The following CD33 variants were observed in gnomAD, a reference collection of about 807,000 sequenced individuals.
CD33 encodes the protein CD33 molecule.
In CD33, 25 loss-of-function variants were observed where a neutral mutation model predicts 31.4. That is an observed-to-expected ratio of 0.80 (90% confidence interval 0.58 to 1.11). The LOEUF is 1.11. Ranked by LOEUF, CD33 falls within the 50% of genes most tolerant of loss-of-function variation. CD33 has a pLI of 0.00. For synonymous variants in CD33, 176 were observed against 180.6 expected, an observed-to-expected ratio of 0.97 and a Z score of 0.20; for missense variants, 407 against 448.1, an observed-to-expected ratio of 0.91 and a Z score of 0.83.
Position 51,231,277 on chromosome 19 carries a change from C to T in CD33, c.746-3880C>T, listed in dbSNP as rs182345277. On this transcript the variant is annotated intron_variant, in intron 4 of 6. Coordinates refer to ENST00000262262, the MANE Select transcript of CD33 (RefSeq NM_001772.4). ...ATAAATAGTGTGGGCTCCCAGAGCT[C>T]GGGGCCTTCACAGCCTCCATACTAG... 1.6e-3 allele frequency among the ~76,000 whole-genome samples: 239 copies of T among 152,320 alleles called. 1 individual carries two copies. The highest frequency in any genetic ancestry group is 5.2e-3 in the African/African-American group (218 of 41,568).
At chr19:51,234,257 C>A in intron 4 of CD33, among the ~76,000 whole-genome samples, 1 of 152,152 alleles carries the variant, frequency 6.6e-6, no homozygotes, top group East Asian at 1.9e-4. Flanking sequence ...ACATTTGTTA[C>A]AGTCAATAAA....
upstream of CD33, among the ~76,000 whole-genome samples, chr19:51,221,970 T>C (rs1980707072): frequency 6.6e-6 from 1 of 152,186 alleles, no homozygotes; most frequent in Non-Finnish European, 1.5e-5. Context: ...ACAGTAGGGA[T>C]GGAAAACATA....
intron 4 of CD33, among the ~76,000 whole-genome samples, chr19:51,234,187 G>A (rs760708425): frequency 9.9e-5 from 15 of 151,888 alleles, no homozygotes; most frequent in South Asian, 6.3e-4. Context: ...AAGACTTCCC[G>A]TATGCCCTCT....
the CD33 span, chr19:51,211,245 G>T: frequency 6.4e-7 from 1 of 1,571,442 alleles, no homozygotes; most frequent in African/African-American, 1.4e-5. Context: ...GGCTGCAAGT[G>T]CAGGAGTCAG....
upstream of CD33, among the ~76,000 whole-genome samples, chr19:51,220,879 A>G (rs1396447729): frequency 6.6e-6 from 1 of 152,212 alleles, no homozygotes; most frequent in South Asian, 2.1e-4. Flanking sequence ...CTATTATACC[A>G]TAAAAGACAC....
chr19:51,235,424 C>A, intron 5 of CD33, 171 bp downstream of exon 5: 2 of 1,322,912 alleles, frequency 1.5e-6, no homozygotes, highest in Non-Finnish European at 2.0e-6. Flanking sequence ...GGGCCCTGAT[C>A]TCAGATGTCC....
At chr19:51,226,802 C>T (rs1269324501) in intron 4 of CD33, among the ~76,000 whole-genome samples, 2 of 151,774 alleles carry the variant, frequency 1.3e-5, no homozygotes, top group African/African-American at 2.4e-5. Flanking sequence ...TGGTATAGAA[C>T]ACCAGAACTT....
At chr19:51,211,775 C>G in the CD33 span, 2 of 795,090 alleles carry the variant, frequency 2.5e-6, no homozygotes, top group East Asian at 4.9e-5. Flanking sequence ...GATCCTGCAT[C>G]CCCGTTTCCT....
chr19:51,225,056 T>A (rs1392419525), upstream of CD33: 2 of 1,602,162 alleles, frequency 1.2e-6, no homozygotes, highest in Non-Finnish European at 1.7e-6. Context: ...CTGTAGTCCT[T>A]CCCCTCCACT....
chr19:51,229,790 A>G (rs1981279918), intron 4 of CD33, among the ~76,000 whole-genome samples: 1 of 151,262 alleles, frequency 6.6e-6, no homozygotes, highest in South Asian at 2.1e-4. Context: ...TCTCTTTCTT[A>G]GTTTAGCTAA....
intron 5 of CD33, 93 bp from the exon 6 acceptor site, chr19:51,235,502 C>A: frequency 2.7e-6 from 4 of 1,491,794 alleles, no homozygotes; most frequent in Non-Finnish European, 3.6e-6. Flanking sequence ...TTAATCCCAC[C>A]CTTTACCTGC....
chr19:51,238,792 A>G (rs1568437903), intron 6 of CD33: 1 of 152,204 alleles, frequency 6.6e-6, no homozygotes, highest in Non-Finnish European at 1.5e-5. Context: ...CCAAATCTAG[A>G]ACCAAGAAAT....
chr19:51,235,151 C>T lies in CD33; in HGVS notation c.746-6C>T, dbSNP rs933064856. ...AGAATTCACCCCAAATCTTTTTTGT[C>T]TGCAGGGAAACAAGAGACCAGAGCA... On this transcript the variant is annotated splice_region_variant and splice_polypyrimidine_tract_variant and intron_variant, in intron 4 of 6. Coordinates refer to ENST00000262262, the MANE Select transcript of CD33 (RefSeq NM_001772.4). The T allele has an allele frequency of 2.2e-5, 36 of 1,611,696 alleles. No homozygotes were observed. Among genetic ancestry groups the T allele is most frequent in the Non-Finnish European group, 3.0e-5 (35 of 1,178,160 alleles).
the CD33 span, chr19:51,211,267 G>C: frequency 6.3e-7 from 1 of 1,575,856 alleles, no homozygotes; most frequent in East Asian, 2.2e-5. Flanking sequence ...GACGGTACAG[G>C]AGGGTTTGTG....
chr19:51,213,870 T>C, the CD33 span, among the ~76,000 whole-genome samples: 1 of 145,780 alleles, frequency 6.9e-6, no homozygotes, highest in African/African-American at 2.6e-5. Flanking sequence ...TTTTCCTTTT[T>C]TTTTTTTGAT....
chr19:51,225,552 T>G lies in CD33; in HGVS notation c.372T>G (p.Ser124Arg), dbSNP rs1226578290. The G allele has an allele frequency of 6.3e-7, 1 of 1,584,142 alleles. No homozygotes were observed. Among genetic ancestry groups the G allele is most frequent in the Non-Finnish European group, 8.6e-7 (1 of 1,165,084 alleles). The change falls in exon 2 of 7, where the codon AGT (serine) becomes AGG (arginine). Residue 124 changes from serine (S) to arginine (R), a missense_variant. Ser to Arg is a moderately radical substitution (Grantham distance 110, BLOSUM62 -1). Transcript: ENST00000262262. Reference sequence around the variant, plus strand: ...ACTTCTTTCGGATGGAGAGAGGAAGTACCAAATACAGTTACAAATCTCCCC... The same window carrying G: ...ACTTCTTTCGGATGGAGAGAGGAAGGACCAAATACAGTTACAAATCTCCCC... ...GSYFFRMERG[S>R]TKYSYKSPQL...
chr19:51,235,171 A>G lies in CD33; in HGVS notation c.760A>G (p.Arg254Gly), dbSNP rs977160435. 1 of 1,614,052 alleles carries G rather than the reference A, an allele frequency of 6.2e-7. No individual in the cohort carries two copies. The highest frequency in any genetic ancestry group is 2.2e-5 in the East Asian group (1 of 44,884). ...TTTGTCTGCAGGGAAACAAGAGACCAGAGCAGGAGTGGTTCATGGGGCCAT... is the reference window on the plus strand; with the variant it reads ...TTTGTCTGCAGGGAAACAAGAGACCGGAGCAGGAGTGGTTCATGGGGCCAT... ...PGDGSGKQET[R>G]AGVVHGAIGG... is the part of the protein sequence containing the mutation. Residue 254 changes from arginine to glycine, a missense_variant, in exon 5 of 7, where the codon AGA becomes GGA. By Grantham distance (125) the Arg-to-Gly change is moderately radical. Coordinates refer to ENST00000262262, the MANE Select transcript of CD33 (RefSeq NM_001772.4).
At chr19:51,227,723 T>C (rs1262644732) in intron 4 of CD33, among the ~76,000 whole-genome samples, 1 of 152,222 alleles carries the variant, frequency 6.6e-6, no homozygotes, top group African/African-American at 2.4e-5. Context: ...TTTAGCTTGA[T>C]ATCATCTCAT....
rs866924306 is a variant in CD33, at chr19:51,226,354, C to T, written c.743C>T (p.Ser248Leu). ...PTTGIFPGDG[S>L]GKQETRAGVV... ...ACTGGTATCTTTCCAGGAGATGGCT[C>T]AGGTAGGAAGGAGCCTCCCCGCCTG... Residue 248 changes from serine to leucine, a missense_variant and splice_region_variant, in exon 4 of 7, where the codon TCA becomes TTA. Ser to Leu is a moderately radical substitution (Grantham distance 145). Coordinates refer to ENST00000262262, the MANE Select transcript of CD33 (RefSeq NM_001772.4). 1 of 1,613,592 alleles carries T rather than the reference C, an allele frequency of 6.2e-7. No homozygotes were observed.
Sources: allele counts gnomAD v4.1 joint callset (sites outside exome capture counted in the v4.1 genomes callset), GRCh38; gene constraint gnomAD v4.1.1; transcripts MANE v1.5; gene names NCBI Gene and HGNC (gene_info 2026-07-23, HGNC 2026-07-21).